The following PTPRT variants were observed in gnomAD, a reference collection of about 807,000 sequenced individuals.
PTPRT encodes receptor-type tyrosine-protein phosphatase T.
Under a neutral mutation model 176.8 loss-of-function variants are expected in PTPRT, and 56 were observed. The observed-to-expected ratio is 0.32, with a 90% CI of 0.26 to 0.40. The LOEUF (loss-of-function observed/expected upper bound fraction) is 0.40, where lower values mean the gene tolerates loss of function less well. Among genes scored for constraint, PTPRT ranks in the 10% least tolerant of loss-of-function variants. The probability of loss-of-function intolerance (pLI) is 1.00; values close to 1 mark genes in which losing one functional copy is unlikely to be tolerated. For synonymous variants in PTPRT, 783 were observed against 739.0 expected (o/e 1.06, Z -0.96); for missense variants, 1,540 against 1,908.2 (o/e 0.81, Z 3.60).
intron 1 of PTPRT, among the ~76,000 whole-genome samples, chr20:43,036,990 A>G (rs1200373837): frequency 6.6e-6 from 1 of 152,250 alleles, no homozygotes; most frequent in Non-Finnish European, 1.5e-5. Context: ...GGTTCTTTTC[A>G]AAAGACCATA....
At chr20:42,605,102 TACAGGG>T (rs751926396) in intron 7 of PTPRT, among the ~76,000 whole-genome samples, 17 of 152,130 alleles carry the variant, frequency 1.1e-4, no homozygotes, top group Non-Finnish European at 2.2e-4. Flanking sequence ...ACCCAAGCAC[TACAGGG>T]AGAGGCACAT....
intron 10 of PTPRT, among the ~76,000 whole-genome samples, chr20:42,351,645 G>A (rs1257068970): frequency 6.6e-6 from 1 of 151,990 alleles, no homozygotes; most frequent in Non-Finnish European, 1.5e-5. Flanking sequence ...TACGGGTGAT[G>A]GCAGTCTGTA....
At chr20:42,992,295 T>A (rs1420323398) in intron 1 of PTPRT, among the ~76,000 whole-genome samples, 1 of 152,166 alleles carries the variant, frequency 6.6e-6, no homozygotes, top group African/African-American at 2.4e-5. Context: ...AAAACCCCTC[T>A]GCTGATTCTA....
At chr20:42,698,852 C>CATGA (rs3092082) in intron 6 of PTPRT, among the ~76,000 whole-genome samples, 21,320 of 151,476 alleles carry the variant, frequency 0.14, 1,779 homozygotes, top group African/African-American at 0.22. Flanking sequence ...TGAATGCATA[C>CATGA]ATGAATGAAT....
chr20:42,418,672 G>T (rs2059088012), intron 9 of PTPRT, among the ~76,000 whole-genome samples: 1 of 152,094 alleles, frequency 6.6e-6, no homozygotes, highest in South Asian at 2.1e-4. Flanking sequence ...CACAAAGATG[G>T]GTTCCCAGGC....
In PTPRT at chr20:42,093,971, T is replaced by A. The variant is rs575039342; in HGVS notation, c.3846+4450A>T. On this transcript the variant is annotated intron_variant, in intron 27 of 30. Coordinates refer to ENST00000373187, the MANE Select transcript of PTPRT (RefSeq NM_007050.6). ...GTATGGCAGCCAACCTCAGGGTACT[T>A]CTGAGCCTGATGTTTTTGCATTTAG... Among the ~76,000 whole-genome samples the A allele has an allele frequency of 2.3e-3, 356 of 152,346 alleles. 10 individuals carry two copies. The highest frequency in any genetic ancestry group is 0.023 in the Admixed American group (347 of 15,304).
intron 7 of PTPRT, among the ~76,000 whole-genome samples, chr20:42,565,745 C>T (rs62203782): frequency 6.6e-6 from 1 of 152,034 alleles, no homozygotes; most frequent in African/African-American, 2.4e-5. Flanking sequence ...AGGGGATGAG[C>T]GCATTGGTGT....
At chr20:42,649,157 T>A (rs984716534) in intron 7 of PTPRT, among the ~76,000 whole-genome samples, 1 of 152,006 alleles carries the variant, frequency 6.6e-6, no homozygotes, top group African/African-American at 2.4e-5. Context: ...TCCACGTGGC[T>A]GGGGAGGCCT....
chr20:42,241,620 C>T (rs555728087), intron 14 of PTPRT, among the ~76,000 whole-genome samples: 7 of 152,144 alleles, frequency 4.6e-5, no homozygotes, highest in African/African-American at 1.7e-4. Flanking sequence ...GAAGAAAGGT[C>T]AGCAGTGTGC....
chr20:43,009,890 C>T (rs2146148243), intron 1 of PTPRT, among the ~76,000 whole-genome samples: 1 of 152,310 alleles, frequency 6.6e-6, no homozygotes, highest in South Asian at 2.1e-4. Flanking sequence ...TCCCAGCTGG[C>T]TGCAGAGCTG....
chr20:42,104,149 T>C (rs955679647), intron 25 of PTPRT, among the ~76,000 whole-genome samples: 1 of 152,160 alleles, frequency 6.6e-6, no homozygotes, highest in Admixed American at 6.5e-5. Flanking sequence ...AGAACCCTCA[T>C]GAACGGGATT....
chr20:42,792,173 C>T (rs1312215749), intron 2 of PTPRT, among the ~76,000 whole-genome samples: 2 of 152,158 alleles, frequency 1.3e-5, no homozygotes, highest in African/African-American at 4.8e-5. Context: ...AAGAACCAAG[C>T]CATGCCACCC....
chr20:42,085,785 G>A lies in PTPRT; in HGVS notation c.3915C>T (p.Ser1305=), dbSNP rs755743177. Residue 1305 remains serine (S), a synonymous_variant, in exon 28 of 31, where the codon TCC becomes TCT. Transcript: ENST00000373187. Reference sequence around the variant, plus strand: ...GGATGATGTCCTCGTCGATGTCTGCGGAGACGAACTCCACCTGGATGGGCC... The same window carrying A: ...GGATGATGTCCTCGTCGATGTCTGCAGAGACGAACTCCACCTGGATGGGCC... ...CYGPIQVEFV[S]ADIDEDIIHR... 2.4e-5 allele frequency: 39 copies of A among 1,613,842 alleles called. No homozygotes were observed. Among genetic ancestry groups the A allele is most frequent in the South Asian group, 1.9e-4 (17 of 91,076 alleles).
At chr20:42,062,856 G>A in the PTPRT span, among the ~76,000 whole-genome samples, 5 of 152,170 alleles carry the variant, frequency 3.3e-5, no homozygotes, top group African/African-American at 9.7e-5. Flanking sequence ...ATGCATAGCC[G>A]CAGACCAGCT....
chr20:42,207,412 T>C (rs2055500388), intron 15 of PTPRT, among the ~76,000 whole-genome samples: 1 of 122,484 alleles, frequency 8.2e-6, no homozygotes, highest in South Asian at 3.3e-4. Context: ...TAGAAGAATG[T>C]ATAACTAGAA....
chr20:42,679,298 G>GAA (rs535540662), intron 6 of PTPRT, among the ~76,000 whole-genome samples: 3 of 141,554 alleles, frequency 2.1e-5, no homozygotes, highest in Admixed American at 7.1e-5. Flanking sequence ...CTTTAATGGG[G>GAA]AAAAAAAAAA....
At chr20:43,053,396 G>A (rs1247303313) in intron 1 of PTPRT, among the ~76,000 whole-genome samples, 1 of 152,154 alleles carries the variant, frequency 6.6e-6, no homozygotes. Context: ...CTACCCGGGT[G>A]GTTTCTCTAA....
At chr20:42,471,918 A>G (rs556625465) in intron 8 of PTPRT, among the ~76,000 whole-genome samples, 12 of 152,230 alleles carry the variant, frequency 7.9e-5, no homozygotes, top group African/African-American at 2.9e-4. Flanking sequence ...AGCCTCCCAA[A>G]GTGCTAGGAT....
intron 7 of PTPRT, among the ~76,000 whole-genome samples, chr20:42,648,871 T>G (rs1240617372): frequency 7.0e-6 from 1 of 143,762 alleles, no homozygotes; most frequent in Non-Finnish European, 1.5e-5. Context: ...CAGGCTGGAG[T>G]GCAGTGGTGT....
Sources: allele counts gnomAD v4.1 joint callset (sites outside exome capture counted in the v4.1 genomes callset), GRCh38; gene constraint gnomAD v4.1.1; transcripts MANE v1.5; gene names NCBI Gene and HGNC (gene_info 2026-07-23, HGNC 2026-07-21).